ANO3: variants seen among roughly 807,000 people sequenced by gnomAD.
The protein encoded by ANO3 is anoctamin-3.
In ANO3, 99 loss-of-function variants were observed where a neutral mutation model predicts 144.8. The observed-to-expected ratio is 0.68, with a 90% CI of 0.58 to 0.81. ANO3 has a LOEUF of 0.81. Among genes scored for constraint, ANO3 ranks in the 30% least tolerant of loss-of-function variants. ANO3 has a pLI of 0.00. For synonymous variants in ANO3, 414 were observed against 392.6 expected (o/e 1.05, Z -0.64); for missense variants, 905 against 1,202.2 (o/e 0.75, Z 3.66).
chr11:26,646,685 A>G (rs566885961), intron 23 of ANO3, among the ~76,000 whole-genome samples: 1 of 152,178 alleles, frequency 6.6e-6, no homozygotes, highest in East Asian at 1.9e-4. Context: ...CAAATTGCTC[A>G]TTTTATTGTC....
intron 1 of ANO3, among the ~76,000 whole-genome samples, chr11:26,242,071 G>A (rs528060234): frequency 7.8e-4 from 119 of 152,300 alleles, no homozygotes; most frequent in Middle Eastern, 3.4e-3. Flanking sequence ...GATGTTTTGT[G>A]CAAGGAAAAT....
At chr11:26,473,233 G>A (rs1859844992) in intron 4 of ANO3, among the ~76,000 whole-genome samples, 3 of 151,946 alleles carry the variant, frequency 2.0e-5, no homozygotes, top group Admixed American at 2.0e-4. Flanking sequence ...TGTCTTGTCA[G>A]TTCCAATTAC....
chr11:26,549,077 C>A (rs34228569), intron 12 of ANO3, among the ~76,000 whole-genome samples: 1,589 of 151,940 alleles, frequency 0.01, 36 homozygotes, highest in Non-Finnish European at 8.6e-3. Context: ...ACAGACTTCC[C>A]CACTCCACCA....
At chr11:26,209,221 C>A (rs1474388081) in intron 1 of ANO3, among the ~76,000 whole-genome samples, 1 of 152,138 alleles carries the variant, frequency 6.6e-6, no homozygotes, top group Admixed American at 6.6e-5. Flanking sequence ...GTTCAACTCC[C>A]AATATCAGTG....
At chr11:26,404,634 T>C (rs1435057733) in intron 1 of ANO3, among the ~76,000 whole-genome samples, 1 of 151,750 alleles carries the variant, frequency 6.6e-6, no homozygotes, top group Non-Finnish European at 1.5e-5. Context: ...AGCTATATTG[T>C]ATTTGTTTTG....
chr11:26,447,559 A>G (rs759651415), intron 3 of ANO3, among the ~76,000 whole-genome samples: 2 of 152,194 alleles, frequency 1.3e-5, no homozygotes, highest in Admixed American at 6.5e-5. Flanking sequence ...GTTCTGTAAG[A>G]TGTTAGTAAG....
At chr11:26,627,695 A>AT (rs1184030343) in intron 18 of ANO3, among the ~76,000 whole-genome samples, 6 of 152,088 alleles carry the variant, frequency 3.9e-5, no homozygotes, top group African/African-American at 1.4e-4. Flanking sequence ...TTGATATTTG[A>AT]TTTTTTCCTC....
At chr11:26,220,461 A>G (rs932873340) in intron 1 of ANO3, among the ~76,000 whole-genome samples, 1 of 152,200 alleles carries the variant, frequency 6.6e-6, no homozygotes, top group African/African-American at 2.4e-5. Flanking sequence ...TTGTGCCTCT[A>G]CAATACCTAA....
intron 1 of ANO3, among the ~76,000 whole-genome samples, chr11:26,259,179 G>T (rs997747700): frequency 6.6e-6 from 1 of 152,104 alleles, no homozygotes; most frequent in African/African-American, 2.4e-5. Context: ...AGGGATAAAC[G>T]CACTCTCTCT....
intron 1 of ANO3, among the ~76,000 whole-genome samples, chr11:26,224,734 G>A (rs1307349910): frequency 1.3e-5 from 2 of 152,216 alleles, no homozygotes; most frequent in Non-Finnish European, 2.9e-5. Flanking sequence ...ATTGTTGCCT[G>A]TGGATGGTAA....
chr11:26,642,931 A>T (rs1853217534), intron 22 of ANO3, among the ~76,000 whole-genome samples: 1 of 151,870 alleles, frequency 6.6e-6, no homozygotes, highest in Admixed American at 6.6e-5. Flanking sequence ...TGCATTATAT[A>T]GAGGTGGAAA....
chr11:26,320,140 G>T (rs945186886), intron 1 of ANO3, among the ~76,000 whole-genome samples: 74 of 152,264 alleles, frequency 4.9e-4, no homozygotes, highest in African/African-American at 1.8e-3. Flanking sequence ...CCTCCTGCTG[G>T]GCTGGAGTTC....
At chr11:26,497,216 ACT>A (rs1274377136) in intron 4 of ANO3, among the ~76,000 whole-genome samples, 2 of 151,896 alleles carry the variant, frequency 1.3e-5, no homozygotes, top group African/African-American at 4.8e-5. Flanking sequence ...ATATACAGAC[ACT>A]CACAGAAGTA....
chr11:26,476,042 G>A (rs1859955816), intron 4 of ANO3, among the ~76,000 whole-genome samples: 1 of 152,038 alleles, frequency 6.6e-6, no homozygotes, highest in Admixed American at 6.6e-5. Flanking sequence ...AAGTTTCCAG[G>A]TGATTCTGAT....
chr11:26,489,591 G>T (rs1471947261), intron 4 of ANO3, among the ~76,000 whole-genome samples: 1 of 152,194 alleles, frequency 6.6e-6, no homozygotes, highest in Non-Finnish European at 1.5e-5. Flanking sequence ...CAACACTAGT[G>T]CATGAAAGCA....
intron 4 of ANO3, among the ~76,000 whole-genome samples, chr11:26,472,155 G>T (rs1859806252): frequency 6.6e-6 from 1 of 151,896 alleles, no homozygotes; most frequent in African/African-American, 2.4e-5. Context: ...TAGTTCTCTA[G>T]TTGTTCAGAC....
At chr11:26,537,607 T>C (rs1195905721) in intron 10 of ANO3, 146 bp downstream of exon 10, 4 of 727,954 alleles carry the variant, frequency 5.5e-6, no homozygotes, top group Non-Finnish European at 9.7e-6. Flanking sequence ...CCCATTGTAA[T>C]TTTGTGGCTG....
intron 1 of ANO3, among the ~76,000 whole-genome samples, chr11:26,222,566 T>C (rs546851533): frequency 2.6e-5 from 4 of 152,270 alleles, no homozygotes; most frequent in African/African-American, 9.6e-5. Flanking sequence ...CTTAGTAGAG[T>C]ATCTCTCTGG....
chr11:26,576,763 G>A (rs293985), intron 14 of ANO3, among the ~76,000 whole-genome samples: 139,995 of 152,288 alleles, frequency 0.92, 64,736 homozygotes, highest in South Asian at 0.98. Flanking sequence ...GACAGCTTAC[G>A]TTTTTGTCTG....
Sources: allele counts gnomAD v4.1 joint callset (sites outside exome capture counted in the v4.1 genomes callset), GRCh38; gene constraint gnomAD v4.1.1; transcripts MANE v1.5; gene names NCBI Gene and HGNC (gene_info 2026-07-23, HGNC 2026-07-21).